HIGD1C: variants seen among roughly 807,000 people sequenced by gnomAD.
The protein encoded by HIGD1C is HIG1 domain family member 1C.
A neutral mutation model predicts 13.1 loss-of-function variants in HIGD1C; 11 were observed. That is an observed-to-expected ratio of 0.84 (90% CI 0.53 to 1.39). HIGD1C has a LOEUF of 1.39. Among genes scored for constraint, HIGD1C ranks in the 40% most tolerant of loss-of-function variants. The pLI is 0.00. For missense variants in HIGD1C, 110 were observed against 112.0 expected (o/e 0.98, Z 0.08); for synonymous variants, 36 against 37.7 (o/e 0.95, Z 0.17).
chr12:50,966,911 T>C (rs1289661480), intron 2 of HIGD1C, among the ~76,000 whole-genome samples: 1 of 151,762 alleles, frequency 6.6e-6, no homozygotes, highest in East Asian at 1.9e-4. Flanking sequence ...AGGTCAGGAG[T>C]TCGAGAACAG....
intron 2 of HIGD1C, among the ~76,000 whole-genome samples, chr12:50,964,073 A>G (rs966182738): frequency 6.6e-6 from 1 of 152,204 alleles, no homozygotes; most frequent in African/African-American, 2.4e-5. Flanking sequence ...CTATGACTTA[A>G]ATCCTGAGAT....
chr12:50,943,506 C>T, the HIGD1C span, among the ~76,000 whole-genome samples: 4 of 152,120 alleles, frequency 2.6e-5, no homozygotes, highest in South Asian at 2.1e-4. Flanking sequence ...GTCAGGAGAT[C>T]GAGACCATCC....
At chr12:50,972,319 A>G (rs137938617), downstream of HIGD1C, among the ~76,000 whole-genome samples, 1 of 152,384 alleles carries the variant, frequency 6.6e-6, no homozygotes, top group East Asian at 1.9e-4. Context: ...AAGCTAAAGT[A>G]ATATATTTGT....
intron 1 of HIGD1C, among the ~76,000 whole-genome samples, chr12:50,958,669 T>C (rs67106267): frequency 0.18 from 27,823 of 151,880 alleles, 2,912 homozygotes; most frequent in East Asian, 0.5. Context: ...GTAATCAACA[T>C]GGTGTGGTAC....
At chr12:50,969,348 A>G (rs1041701950) in intron 2 of HIGD1C, among the ~76,000 whole-genome samples, 1 of 152,118 alleles carries the variant, frequency 6.6e-6, no homozygotes. Flanking sequence ...CATGCTCAAC[A>G]TATTTACTTA....
At chr12:50,949,907 A>G (rs1938859063), upstream of HIGD1C, among the ~76,000 whole-genome samples, 1 of 152,136 alleles carries the variant, frequency 6.6e-6, no homozygotes, top group Non-Finnish European at 1.5e-5. Flanking sequence ...CATTCCCCCA[A>G]AACCCCACTT....
intron 1 of HIGD1C, among the ~76,000 whole-genome samples, chr12:50,960,430 T>C (rs1217176921): frequency 2.0e-5 from 3 of 152,204 alleles, no homozygotes; most frequent in Admixed American, 6.5e-5. Flanking sequence ...CCTCAGGAAA[T>C]TACAAATGAC....
intron 2 of HIGD1C, among the ~76,000 whole-genome samples, chr12:50,967,007 C>T (rs765960328): frequency 6.6e-5 from 10 of 151,944 alleles, no homozygotes; most frequent in Non-Finnish European, 1.3e-4. Flanking sequence ...ATCCCTGCTA[C>T]TCGGGAGGCT....
chr12:50,954,074 T>A, exon 1 of HIGD1C: 1 of 1,607,546 alleles, frequency 6.2e-7, no homozygotes, highest in African/African-American at 1.3e-5. Flanking sequence ...ATCTAGAGAC[T>A]CCCCCTTTGT....
At chr12:50,960,911 C>T (rs79907213) in intron 1 of HIGD1C, 57 bp from the exon 4 acceptor site, 242,194 of 1,457,828 alleles carry the variant, frequency 0.17, 23,317 homozygotes, top group East Asian at 0.49. Context: ...AACTCCTGGT[C>T]TCACACGATG....
chr12:50,960,399 C>T (rs773476899), intron 1 of HIGD1C, among the ~76,000 whole-genome samples: 2 of 152,184 alleles, frequency 1.3e-5, no homozygotes, highest in African/African-American at 2.4e-5. Flanking sequence ...AACTTTGTAG[C>T]ATGCACAGTT....
chr12:50,963,393 A>G (rs913629993), intron 2 of HIGD1C, among the ~76,000 whole-genome samples: 8 of 144,690 alleles, frequency 5.5e-5, no homozygotes, highest in African/African-American at 1.8e-4. Context: ...AAAAAAAAAA[A>G]GAAAAGAAAA....
At chr12:50,934,629 AGAG>A in the HIGD1C span, among the ~76,000 whole-genome samples, 19 of 152,244 alleles carry the variant, frequency 1.2e-4, no homozygotes, top group African/African-American at 3.4e-4. Context: ...GACCTATCCA[AGAG>A]GAGAAGCTCT....
At chr12:50,946,182 T>C in the HIGD1C span, among the ~76,000 whole-genome samples, 21 of 152,324 alleles carry the variant, frequency 1.4e-4, no homozygotes, top group South Asian at 3.1e-3. Context: ...AAGGACTTCA[T>C]GTCTAAACCA....
upstream of HIGD1C, among the ~76,000 whole-genome samples, chr12:50,953,372 C>A (rs1328469656): frequency 6.6e-6 from 1 of 152,186 alleles, no homozygotes; most frequent in Non-Finnish European, 1.5e-5. Context: ...CAGACTCAGG[C>A]GCTGCTAAAT....
chr12:50,962,255 AC>A (rs1939361621), intron 2 of HIGD1C, among the ~76,000 whole-genome samples: 1 of 151,636 alleles, frequency 6.6e-6, no homozygotes, highest in African/African-American at 2.4e-5. Flanking sequence ...ACACACACAC[AC>A]AAAATAGCTG....
At chr12:50,956,609 A>G (rs980919930) in intron 1 of HIGD1C, among the ~76,000 whole-genome samples, 6 of 152,128 alleles carry the variant, frequency 3.9e-5, no homozygotes, top group African/African-American at 1.2e-4. Flanking sequence ...TGCATGCATT[A>G]TATCTATTTA....
At chr12:50,937,675 G>C in the HIGD1C span, among the ~76,000 whole-genome samples, 4 of 152,170 alleles carry the variant, frequency 2.6e-5, no homozygotes, top group African/African-American at 9.6e-5. Context: ...AGACACTGGA[G>C]GGTGAAGAAG....
chr12:50,944,199 A>C, the HIGD1C span, among the ~76,000 whole-genome samples: 1 of 152,278 alleles, frequency 6.6e-6, no homozygotes, highest in South Asian at 2.1e-4. Context: ...CAGGCTCTGC[A>C]ACAATACCCC....
Sources: allele counts gnomAD v4.1 joint callset (sites outside exome capture counted in the v4.1 genomes callset), GRCh38; gene constraint gnomAD v4.1.1; transcripts MANE v1.5; gene names NCBI Gene and HGNC (gene_info 2026-07-23, HGNC 2026-07-21).